SPAG17: variants seen among roughly 807,000 people sequenced by gnomAD.
SPAG17 encodes the protein sperm-associated antigen 17.
A neutral mutation model predicts 273.6 loss-of-function variants in SPAG17; 169 were observed. The observed-to-expected ratio is 0.62, with a 90% CI of 0.55 to 0.70. SPAG17 has a LOEUF of 0.70. Among genes scored for constraint, SPAG17 ranks in the 30% least tolerant of loss-of-function variants. The pLI is 0.00. For missense variants in SPAG17, 2,557 were observed against 2,627.8 expected (o/e 0.97, Z 0.59); for synonymous variants, 825 against 873.2 (o/e 0.94, Z 0.97).
chr1:118,005,624 A>G (rs1658800010), intron 31 of SPAG17, 22 bp from the exon 32 acceptor site: 2 of 1,395,534 alleles, frequency 1.4e-6, no homozygotes, highest in Non-Finnish European at 1.9e-6. Context: ...ACAGAAAGAC[A>G]GAAATTATTA....
intron 34 of SPAG17, among the ~76,000 whole-genome samples, chr1:117,995,735 C>T (rs6428717): frequency 0.49 from 72,966 of 149,504 alleles, 18,614 homozygotes; most frequent in African/African-American, 0.61. Flanking sequence ...CACACACACA[C>T]AAACCTAGGC....
At chr1:118,121,620 C>G (rs1202183929) in intron 3 of SPAG17, among the ~76,000 whole-genome samples, 1 of 152,100 alleles carries the variant, frequency 6.6e-6, no homozygotes, top group Non-Finnish European at 1.5e-5. Context: ...TGAAGTGGAG[C>G]AGTTTCATCA....
chr1:117,994,620 T>G, intron 34 of SPAG17, 90 bp from the exon 35 acceptor site: 2 of 1,361,100 alleles, frequency 1.5e-6, no homozygotes, highest in Non-Finnish European at 2.0e-6. Context: ...ACAAGCTCTT[T>G]TTGAACAGAC....
At chr1:118,051,869 TTATAA>T (rs1303355179) in intron 20 of SPAG17, among the ~76,000 whole-genome samples, 9 of 136,114 alleles carry the variant, frequency 6.6e-5, no homozygotes, top group African/African-American at 2.4e-4. Flanking sequence ...ATATGTACTA[TTATAA>T]TATATAAACT....
chr1:118,035,821 A>G (rs1020743760), intron 24 of SPAG17, among the ~76,000 whole-genome samples: 1 of 152,182 alleles, frequency 6.6e-6, no homozygotes, highest in Non-Finnish European at 1.5e-5. Context: ...AGATTTCCCA[A>G]TTGATTCTTC....
Position 118,073,859 on chromosome 1 carries a change from G to T in SPAG17, c.2380C>A (p.Leu794Ile). Residue 794 changes from leucine (L) to isoleucine (I), a missense_variant, in exon 17 of 49, where the codon CTT (leucine) becomes ATT (isoleucine). Leu to Ile is a conservative substitution (Grantham distance 5). Coordinates refer to ENST00000336338, the MANE Select transcript of SPAG17 (RefSeq NM_206996.4). ...GAATCACAGTCCATAAATACCTGAA[G>T]CAGTACTTTCGGTTTAAAATGTTCA... is the stretch of plus-strand genomic sequence containing the variant. Reference protein sequence around the residue: ...FTEHFKPKVLLQVLQEAHKQY... With the variant: ...FTEHFKPKVLIQVLQEAHKQY... 1.3e-6 allele frequency: 2 copies of T among 1,580,262 alleles called. No individual in the cohort carries two copies. Among genetic ancestry groups the T allele is most frequent in the Non-Finnish European group, 1.7e-6 (2 of 1,166,456 alleles).
intron 10 of SPAG17, among the ~76,000 whole-genome samples, chr1:118,089,646 C>T (rs1017212186): frequency 1.3e-5 from 2 of 152,044 alleles, no homozygotes; most frequent in South Asian, 2.1e-4. Flanking sequence ...AAAAGGAAGA[C>T]GACAATGCAG....
intron 42 of SPAG17, 65 bp downstream of exon 42, chr1:117,983,746 G>T: frequency 1.9e-6 from 2 of 1,060,142 alleles, no homozygotes; most frequent in Non-Finnish European, 2.8e-6. Context: ...GTCCTAAGAG[G>T]CCACTGTTAG....
intron 1 of SPAG17, among the ~76,000 whole-genome samples, chr1:118,181,358 A>C (rs1660932927): frequency 6.6e-6 from 1 of 152,118 alleles, no homozygotes; most frequent in Non-Finnish European, 1.5e-5. Context: ...GGATTAAAAA[A>C]AAAACAAAAC....
intron 4 of SPAG17, among the ~76,000 whole-genome samples, chr1:118,114,040 C>T (rs1656922209): frequency 6.6e-6 from 1 of 152,110 alleles, no homozygotes; most frequent in African/African-American, 2.4e-5. Context: ...ACAGAAAGTG[C>T]AGAAATTTTT....
intron 7 of SPAG17, among the ~76,000 whole-genome samples, chr1:118,093,542 C>T (rs547519663): frequency 6.6e-6 from 1 of 152,252 alleles, no homozygotes; most frequent in South Asian, 2.1e-4. Context: ...TTTGGAGGGC[C>T]GTATGGCTGC....
chr1:118,089,145 C>T (rs1655203470), intron 10 of SPAG17, among the ~76,000 whole-genome samples: 1 of 152,026 alleles, frequency 6.6e-6, no homozygotes, highest in Admixed American at 6.6e-5. Flanking sequence ...GTAGAGAGTG[C>T]TGTGTGTTGT....
intron 1 of SPAG17, among the ~76,000 whole-genome samples, chr1:118,160,071 G>T (rs1435049624): frequency 6.6e-6 from 1 of 152,102 alleles, no homozygotes; most frequent in Non-Finnish European, 1.5e-5. Context: ...TCTAACAGAG[G>T]AGACCAAGAA....
chr1:118,173,508 G>T (rs1660512064), intron 1 of SPAG17, among the ~76,000 whole-genome samples: 1 of 152,222 alleles, frequency 6.6e-6, no homozygotes, highest in African/African-American at 2.4e-5. Context: ...ATGCTTTTCG[G>T]TACATGAAAG....
At chr1:118,147,929 A>G (rs993767593) in intron 3 of SPAG17, among the ~76,000 whole-genome samples, 6 of 152,198 alleles carry the variant, frequency 3.9e-5, no homozygotes, top group African/African-American at 1.4e-4. Context: ...GGAAACCAGA[A>G]AGCCTAATTG....
chr1:117,984,848 G>T (rs1174837444), intron 40 of SPAG17, 66 bp from the exon 41 acceptor site: 5 of 1,005,966 alleles, frequency 5.0e-6, no homozygotes, highest in Non-Finnish European at 6.2e-6. Context: ...GTTTGTTTGT[G>T]CTTTAGCTCT....
chr1:118,003,820 C>A (rs2101726988), intron 32 of SPAG17, among the ~76,000 whole-genome samples: 1 of 152,342 alleles, frequency 6.6e-6, no homozygotes. Flanking sequence ...CTTCTGTCAA[C>A]TCATCAAAGT....
intron 1 of SPAG17, among the ~76,000 whole-genome samples, chr1:118,169,863 A>T (rs1034566777): frequency 1.3e-5 from 2 of 152,204 alleles, no homozygotes; most frequent in Non-Finnish European, 2.9e-5. Flanking sequence ...AGCTATTGTC[A>T]CTAAGCTATG....
intron 3 of SPAG17, among the ~76,000 whole-genome samples, chr1:118,116,516 T>G (rs1200993901): frequency 6.6e-6 from 1 of 152,176 alleles, no homozygotes; most frequent in South Asian, 2.1e-4. Flanking sequence ...GCACACTGCA[T>G]CTCACGGAGC....
Sources: gnomAD v4.1 joint callset for allele counts (sites outside exome capture counted in the v4.1 genomes callset) on GRCh38, gnomAD v4.1.1 for gene constraint, MANE v1.5 for transcripts, NCBI Gene and HGNC (gene_info 2026-07-23, HGNC 2026-07-21) for gene names.